ZNF75D: variants seen among roughly 807,000 people sequenced by gnomAD.
The protein encoded by ZNF75D is zinc finger protein 75.
In ZNF75D, 33 loss-of-function variants were observed where a neutral mutation model predicts 33.3. The observed-to-expected ratio is 0.99, with a 90% CI of 0.75 to 1.32. The LOEUF (loss-of-function observed/expected upper bound fraction) is 1.32, where lower values mean the gene tolerates loss of function less well. Ranked by LOEUF, ZNF75D falls within the 40% of genes most tolerant of loss-of-function variation. The pLI is 0.00. For missense variants in ZNF75D, 338 were observed against 367.5 expected, an observed-to-expected ratio of 0.92 and a Z score of 0.66; for synonymous variants, 113 against 130.6, an observed-to-expected ratio of 0.87 and a Z score of 0.92.
chrX:135,320,515 C>G (rs1161661444), intron 1 of ZNF75D, among the ~76,000 whole-genome samples: 1 of 111,087 alleles, frequency 9.0e-6, no homozygotes, highest in East Asian at 2.8e-4. Context: ...GCTTATAGCC[C>G]TTATCTGGTT....
At chrX:135,341,725 C>T (rs1264569815) in intron 1 of ZNF75D, 43 bp downstream of exon 1, 7 of 112,176 alleles carry the variant, frequency 6.2e-5, no homozygotes, top group African/African-American at 1.9e-4. Flanking sequence ...ATTAGTAATA[C>T]CATCAGTGAC....
chrX:135,287,993 A>C, intron 6 of ZNF75D, 147 bp from the exon 7 acceptor site: 1 of 481,752 alleles, frequency 2.1e-6, no homozygotes, highest in Non-Finnish European at 3.4e-6. Flanking sequence ...GCATAGACCC[A>C]TTTCTCCTTG....
intron 1 of ZNF75D, among the ~76,000 whole-genome samples, chrX:135,332,364 A>C (rs781971267): frequency 9.0e-6 from 1 of 111,038 alleles, no homozygotes; most frequent in South Asian, 3.9e-4. Flanking sequence ...CTAAGGTGAT[A>C]GTATTAGGAG....
intron 1 of ZNF75D, among the ~76,000 whole-genome samples, chrX:135,278,108 C>A (rs1556417893): frequency 9.0e-6 from 1 of 111,675 alleles, no homozygotes; most frequent in Non-Finnish European, 1.9e-5. Flanking sequence ...AATATTGATT[C>A]TTCCTATCCA....
intron 1 of ZNF75D, among the ~76,000 whole-genome samples, chrX:135,273,004 T>A (rs1188698900): frequency 8.9e-6 from 1 of 111,897 alleles, no homozygotes. Context: ...TTTTGATGCT[T>A]CATTCTTTCC....
downstream of ZNF75D, among the ~76,000 whole-genome samples, chrX:135,285,019 GA>G (rs1236779786): frequency 9.0e-6 from 1 of 111,664 alleles, no homozygotes. Flanking sequence ...GCAGGAATTT[GA>G]ATTTCCCATT....
chrX:135,328,690 A>G (rs1450726334), intron 1 of ZNF75D, among the ~76,000 whole-genome samples: 2 of 112,230 alleles, frequency 1.8e-5, no homozygotes, highest in African/African-American at 6.5e-5. Flanking sequence ...TAGACAATAG[A>G]TGTCTTCACC....
chrX:135,337,381 T>C (rs2084725816), intron 1 of ZNF75D, among the ~76,000 whole-genome samples: 1 of 112,213 alleles, frequency 8.9e-6, no homozygotes, highest in Non-Finnish European at 1.9e-5. Context: ...CATAATTTCA[T>C]AATGGCATAA....
At chrX:135,273,082 T>A (rs1242174902) in intron 1 of ZNF75D, among the ~76,000 whole-genome samples, 2 of 112,142 alleles carry the variant, frequency 1.8e-5, no homozygotes, top group African/African-American at 3.2e-5. Flanking sequence ...CCCTCCATTA[T>A]AACATACTTT....
chrX:135,292,417 G>GGCCACTGC lies in ZNF75D; in HGVS notation c.460_467dup (p.Pro157GlnfsTer56). ...CTGCTGGCTTCCACTTGAAGCCTGGGGCCACTGCTGTTCCTCCCAAGAGCA... is the reference window on the plus strand; with the variant it reads ...CTGCTGGCTTCCACTTGAAGCCTGGGGCCACTGCGCCACTGCTGTTCCTCCCAAGAGCA... On this transcript the variant is annotated frameshift_variant, in exon 4 of 7. Transcript: ENST00000370766. LOFTEE classifies it high-confidence loss of function. 1 of 1,211,254 alleles carries GGCCACTGC rather than the reference G, an allele frequency of 8.3e-7. No individual in the cohort carries two copies. Among genetic ancestry groups the GGCCACTGC allele is most frequent in the Non-Finnish European group, 1.1e-6 (1 of 895,346 alleles).
intron 6 of ZNF75D, among the ~76,000 whole-genome samples, chrX:135,288,423 G>A (rs782709616): frequency 3.6e-5 from 4 of 112,297 alleles, no homozygotes; most frequent in Non-Finnish European, 7.5e-5. Context: ...GTAGGATTGT[G>A]TACTTTGTAA....
At chrX:135,264,376 G>C (rs970079072) in intron 1 of ZNF75D, among the ~76,000 whole-genome samples, 1 of 111,442 alleles carries the variant, frequency 9.0e-6, no homozygotes, top group Non-Finnish European at 1.9e-5. Context: ...TGTGGGTGCG[G>C]CCACAGAGCC....
intron 1 of ZNF75D, among the ~76,000 whole-genome samples, chrX:135,279,106 A>C (rs1298688762): frequency 9.0e-6 from 1 of 111,665 alleles, no homozygotes; most frequent in Non-Finnish European, 1.9e-5. Context: ...TCGGCTGTGA[A>C]TCTGTCTGGT....
intron 1 of ZNF75D, among the ~76,000 whole-genome samples, chrX:135,318,502 G>A (rs781866581): frequency 1.8e-5 from 2 of 111,160 alleles, no homozygotes; most frequent in Non-Finnish European, 3.8e-5. Flanking sequence ...ATTTCATTTC[G>A]GAACTTAGAT....
chrX:135,257,589 C>G (rs1331424245), intron 1 of ZNF75D, among the ~76,000 whole-genome samples: 1 of 113,092 alleles, frequency 8.8e-6, no homozygotes, highest in African/African-American at 3.2e-5. Flanking sequence ...CCTGGGGGAA[C>G]TCCCTGCCTT....
At chrX:135,266,454 GC>G (rs1413349177) in intron 1 of ZNF75D, among the ~76,000 whole-genome samples, 1 of 111,552 alleles carries the variant, frequency 9.0e-6, no homozygotes, top group Non-Finnish European at 1.9e-5. Flanking sequence ...GCCAGTTGAA[GC>G]CCAAAAAGAA....
In ZNF75D at chrX:135,322,946, T is replaced by C. The variant is rs782023374; in HGVS notation, c.-391+18822A>G. Among the ~76,000 whole-genome samples, 7 of 112,495 alleles carry C rather than the reference T, an allele frequency of 6.2e-5. No individual in the cohort carries two copies. The East Asian group carries it at 1.9e-3, about 31-fold the overall frequency. On this transcript the variant is annotated intron_variant, in intron 1 of 6. Coordinates refer to ENST00000370766, the MANE Select transcript of ZNF75D (RefSeq NM_007131.5). ...TGGGATCCCCAGATATAGCTGTACT[T>C]TGGACCCCAGTACTGATTAAGGACA... is the stretch of plus-strand genomic sequence containing the variant.
At chrX:135,317,279 G>T (rs184818641) in intron 1 of ZNF75D, among the ~76,000 whole-genome samples, 1 of 111,722 alleles carries the variant, frequency 9.0e-6, no homozygotes, top group Non-Finnish European at 1.9e-5. Context: ...TTATGGTGAA[G>T]TTATTGGTGG....
At chrX:135,272,717 G>A (rs781980056) in intron 1 of ZNF75D, among the ~76,000 whole-genome samples, 1 of 111,386 alleles carries the variant, frequency 9.0e-6, no homozygotes, top group Admixed American at 9.5e-5. Flanking sequence ...GAGAACATAA[G>A]GCCAATTCAC....
Sources: gnomAD v4.1 joint callset for allele counts (sites outside exome capture counted in the v4.1 genomes callset) on GRCh38, gnomAD v4.1.1 for gene constraint, MANE v1.5 for transcripts, NCBI Gene and HGNC (gene_info 2026-07-23, HGNC 2026-07-21) for gene names.